Variants in CHN2 observed in about 807,000 individuals in gnomAD.
CHN2 encodes the protein beta-chimaerin.
In CHN2, 35 loss-of-function variants were observed where a neutral mutation model predicts 56.3. That is an observed-to-expected ratio of 0.62 (90% CI 0.47 to 0.82). The LOEUF is 0.82. CHN2 is among the 40% of genes least tolerant of loss of function. The probability of loss-of-function intolerance (pLI) is 0.00; values close to 1 mark genes in which losing one functional copy is unlikely to be tolerated. For synonymous variants in CHN2, 210 were observed against 212.8 expected, an observed-to-expected ratio of 0.99 and a Z score of 0.12; for missense variants, 491 against 580.5, an observed-to-expected ratio of 0.85 and a Z score of 1.58.
intron 7 of CHN2, among the ~76,000 whole-genome samples, chr7:29,481,254 G>A (rs1473040822): frequency 6.6e-6 from 1 of 152,196 alleles, no homozygotes; most frequent in East Asian, 1.9e-4. Context: ...AAAACAATAG[G>A]CAGGAGAAGC....
chr7:29,410,450 T>G (rs1027709191), intron 6 of CHN2, among the ~76,000 whole-genome samples: 4 of 152,162 alleles, frequency 2.6e-5, no homozygotes, highest in Non-Finnish European at 5.9e-5. Context: ...ATTAAAGGTT[T>G]TTTTTTAATT....
intron 6 of CHN2, among the ~76,000 whole-genome samples, chr7:29,445,934 ACTGTG>A (rs1483316761): frequency 6.6e-6 from 1 of 151,994 alleles, no homozygotes; most frequent in Non-Finnish European, 1.5e-5. Flanking sequence ...TTCTTGCCTT[ACTGTG>A]GAGCCGGAAG....
At chr7:29,281,517 A>G (rs1791714036) in intron 1 of CHN2, among the ~76,000 whole-genome samples, 1 of 152,172 alleles carries the variant, frequency 6.6e-6, no homozygotes, top group Non-Finnish European at 1.5e-5. Flanking sequence ...GAGAATGTGT[A>G]TTTGTAATTT....
intron 6 of CHN2, among the ~76,000 whole-genome samples, chr7:29,444,088 T>C (rs1783863667): frequency 6.6e-6 from 1 of 152,226 alleles, no homozygotes. Context: ...CATTATAAAT[T>C]TTATTTATGC....
At chr7:29,333,330 C>G (rs531995386) in intron 1 of CHN2, among the ~76,000 whole-genome samples, 33 of 152,266 alleles carry the variant, frequency 2.2e-4, no homozygotes, top group Admixed American at 1.3e-3. Context: ...GCTGCTAAAG[C>G]TTCATGCCGG....
chr7:29,505,709 T>G (rs1790487783), intron 10 of CHN2, among the ~76,000 whole-genome samples: 1 of 152,178 alleles, frequency 6.6e-6, no homozygotes, highest in South Asian at 2.1e-4. Context: ...CTCCACTTCC[T>G]TTTTCCACAT....
At chr7:29,414,678 C>T (rs1188235795) in intron 6 of CHN2, among the ~76,000 whole-genome samples, 5 of 152,128 alleles carry the variant, frequency 3.3e-5, no homozygotes, top group Admixed American at 1.3e-4. Flanking sequence ...CCCCAACACA[C>T]GCATGCACAC....
chr7:29,347,272 C>T (rs1156708607), intron 1 of CHN2, among the ~76,000 whole-genome samples: 1 of 152,140 alleles, frequency 6.6e-6, no homozygotes, highest in African/African-American at 2.4e-5. Context: ...TACAGAGACC[C>T]TTCACCCAGC....
chr7:29,194,228 AGCGCTGCGCGCAGCAGCC>A (rs1258982193), upstream of CHN2: 3 of 135,266 alleles, frequency 2.2e-5, no homozygotes, highest in Non-Finnish European at 4.7e-5. Context: ...TCCTAGGAGC[AGCGCTGCGCGCAGCAGCC>A]GCGCTCGCCC....
At chr7:29,331,983 G>T (rs1372275337) in intron 1 of CHN2, among the ~76,000 whole-genome samples, 3 of 145,878 alleles carry the variant, frequency 2.1e-5, no homozygotes, top group African/African-American at 7.7e-5. Context: ...CGGCACTCCA[G>T]CCTGGGCAAC....
At chr7:29,448,353 G>T (rs748434789) in intron 6 of CHN2, among the ~76,000 whole-genome samples, 1 of 151,794 alleles carries the variant, frequency 6.6e-6, no homozygotes, top group African/African-American at 2.4e-5. Flanking sequence ...TTTCTTAGTC[G>T]TTGGAAATGA....
At chr7:29,290,603 C>T (rs1373934093) in intron 1 of CHN2, among the ~76,000 whole-genome samples, 7 of 152,100 alleles carry the variant, frequency 4.6e-5, no homozygotes, top group Non-Finnish European at 7.3e-5. Context: ...CCATGAATAA[C>T]GTTTAGTAAG....
intron 1 of CHN2, among the ~76,000 whole-genome samples, chr7:29,254,234 A>G (rs1255156032): frequency 6.6e-6 from 1 of 152,176 alleles, no homozygotes; most frequent in Non-Finnish European, 1.5e-5. Flanking sequence ...GATAAGCTCT[A>G]TGAAGGCAGG....
At position 29,367,986 on chromosome 7, in the gene CHN2, A is replaced by C; in HGVS notation, c.143A>C (p.Glu48Ala). 1 of 1,609,716 alleles carries C rather than the reference A, an allele frequency of 6.2e-7. No individual in the cohort carries two copies. The highest frequency in any genetic ancestry group is 8.5e-7 in the Non-Finnish European group (1 of 1,178,120). ...CCCAAGAGAATCATTTGTCCTCGGG[A>C]GGTCAGTGCTCAGCTATTTCCAATA... Reference protein sequence around the residue: ...PRPKRIICPREVENRPKYYGR... With the variant: ...PRPKRIICPRAVENRPKYYGR... The change falls in exon 3 of 13, where the codon GAG (glutamate) becomes GCG (alanine). Residue 48 changes from glutamate to alanine, a missense_variant and splice_region_variant. Coordinates refer to ENST00000222792, the MANE Select transcript of CHN2 (RefSeq NM_004067.4).
rs376419528 is a variant in CHN2 at position 29,155,953 on chromosome 7, T to G, written c.274+8993T>G. Among the ~76,000 whole-genome samples the G allele has an allele frequency of 1.1e-3, 169 of 152,312 alleles. No homozygotes were observed. The East Asian group carries it at 0.016, about 14-fold the overall frequency. On this transcript the variant is annotated intron_variant, in intron 2 of 6. Transcript: ENST00000439384. ...AGATCTAGAGACGGCCACGTGCTCT[T>G]GCACAGCCTAGCCAGCTGTGCCCCT...
intron 3 of CHN2, among the ~76,000 whole-genome samples, chr7:29,381,468 G>C (rs985099522): frequency 6.6e-6 from 1 of 152,186 alleles, no homozygotes; most frequent in Non-Finnish European, 1.5e-5. Flanking sequence ...GCAAAGAAGA[G>C]TGGGTGAAAG....
intron 6 of CHN2, among the ~76,000 whole-genome samples, chr7:29,433,170 T>A (rs1782973803): frequency 6.6e-6 from 1 of 152,188 alleles, no homozygotes; most frequent in African/African-American, 2.4e-5. Context: ...GGGGGAGATT[T>A]TTTTTTGTTA....
chr7:29,231,315 A>T (rs1028711676), intron 1 of CHN2, among the ~76,000 whole-genome samples: 1 of 152,184 alleles, frequency 6.6e-6, no homozygotes, highest in Non-Finnish European at 1.5e-5. Flanking sequence ...GAACTGGGAG[A>T]GTGCGGTGAA....
chr7:29,437,720 A>AG (rs2128121091), intron 6 of CHN2, among the ~76,000 whole-genome samples: 1 of 147,228 alleles, frequency 6.8e-6, no homozygotes, highest in Non-Finnish European at 1.5e-5. Flanking sequence ...CTCTTTGCTT[A>AG]GGGAAAAAAA....
Sources: gnomAD v4.1 joint callset for allele counts (sites outside exome capture counted in the v4.1 genomes callset) on GRCh38, gnomAD v4.1.1 for gene constraint, MANE v1.5 for transcripts, NCBI Gene and HGNC (gene_info 2026-07-23, HGNC 2026-07-21) for gene names.